RASGRF1: variants seen among roughly 807,000 people sequenced by gnomAD.
RASGRF1 encodes ras-specific guanine nucleotide-releasing factor 1.
In RASGRF1, 40 loss-of-function variants were observed where a neutral mutation model predicts 138.7. The ratio of observed to expected loss-of-function variants is 0.29; its 90% CI spans 0.22 to 0.38. The LOEUF (loss-of-function observed/expected upper bound fraction) is 0.38, where lower values mean the gene tolerates loss of function less well. Among genes scored for constraint, RASGRF1 ranks in the 10% least tolerant of loss-of-function variants. RASGRF1 has a pLI of 1.00. For synonymous variants in RASGRF1, 614 were observed against 663.2 expected, an observed-to-expected ratio of 0.93 and a Z score of 1.14; for missense variants, 1,108 against 1,650.4, an observed-to-expected ratio of 0.67 and a Z score of 5.69.
chr15:78,998,635 G>A (rs2056447629), intron 18 of RASGRF1, 84 bp downstream of exon 18: 19 of 1,174,634 alleles, frequency 1.6e-5, no homozygotes, highest in African/African-American at 4.5e-5. Context: ...CACTCTGCCC[G>A]CAGCTGCTTT....
intron 3 of RASGRF1, among the ~76,000 whole-genome samples, chr15:79,053,389 C>G (rs1326814066): frequency 6.6e-6 from 1 of 152,244 alleles, no homozygotes; most frequent in African/African-American, 2.4e-5. Flanking sequence ...TAAAATATTA[C>G]AGCCACCTGC....
At position 79,059,012 on chromosome 15, in the gene RASGRF1, C is replaced by T. The variant is rs374265804; in HGVS notation, c.384-531G>A. 8.6e-4 allele frequency among the ~76,000 whole-genome samples: 131 copies of T among 152,308 alleles called. 5 individuals carry two copies. The South Asian group carries it at 0.025, about 29-fold the overall frequency. ...TTAGTCTCTTCTTACTAATGGACCC[C>T]GTCAGAGTGCTGTAAAATAGGCGTC... On this transcript the variant is annotated intron_variant, in intron 2 of 26. Transcript: ENST00000558480.
chr15:78,966,368 C>G lies in RASGRF1; in HGVS notation c.3682-4132G>C, dbSNP rs2055645054. Among the ~76,000 whole-genome samples the G allele has an allele frequency of 3.3e-5, 5 of 151,240 alleles. No homozygotes were observed. In the South Asian group the frequency reaches 1.0e-3, roughly 32 times the overall value. Reference sequence around the variant, plus strand: ...CTTTCTGCCTTAGCCTCCTGAGTAGCTGGGACTACAGGCATGAGCCACTAC... The same window carrying G: ...CTTTCTGCCTTAGCCTCCTGAGTAGGTGGGACTACAGGCATGAGCCACTAC... On this transcript the variant is annotated intron_variant, in intron 26 of 26. Transcript: ENST00000558480.
chr15:79,014,922 A>C (rs1382569475), intron 13 of RASGRF1, among the ~76,000 whole-genome samples: 1 of 126,426 alleles, frequency 7.9e-6, no homozygotes, highest in Non-Finnish European at 1.6e-5. Flanking sequence ...GTCTCAAAAA[A>C]ACAAAAAACA....
At chr15:79,005,197 G>T (rs1297655630) in intron 14 of RASGRF1, 2 of 985,376 alleles carry the variant, frequency 2.0e-6, no homozygotes, top group South Asian at 4.7e-5. Flanking sequence ...GGCCTGAGGT[G>T]GGGGCAGGAG....
At chr15:79,058,010 C>G (rs769277692) in intron 3 of RASGRF1, among the ~76,000 whole-genome samples, 4 of 152,168 alleles carry the variant, frequency 2.6e-5, no homozygotes, top group Admixed American at 6.5e-5. Context: ...GGAGCTTGCC[C>G]GTAGATAATC....
At chr15:78,965,520 A>G (rs2055626326) in intron 26 of RASGRF1, among the ~76,000 whole-genome samples, 1 of 152,130 alleles carries the variant, frequency 6.6e-6, no homozygotes, top group Non-Finnish European at 1.5e-5. Context: ...GTCATATTTA[A>G]TCATCAAAAA....
intron 1 of RASGRF1, among the ~76,000 whole-genome samples, chr15:79,080,348 T>C (rs750443669): frequency 3.9e-5 from 6 of 152,008 alleles, no homozygotes; most frequent in African/African-American, 7.2e-5. Flanking sequence ...GGAAGGCCCA[T>C]TGAGGGAGGA....
intron 26 of RASGRF1, among the ~76,000 whole-genome samples, chr15:78,971,446 G>C (rs1469551978): frequency 1.3e-5 from 2 of 152,302 alleles, no homozygotes; most frequent in African/African-American, 2.4e-5. Context: ...TTGTGTTTAT[G>C]GATTGCCTGT....
intron 26 of RASGRF1, among the ~76,000 whole-genome samples, chr15:78,969,207 C>G (rs918025453): frequency 7.9e-5 from 12 of 152,170 alleles, no homozygotes; most frequent in African/African-American, 2.9e-4. Flanking sequence ...AGACTCAATC[C>G]TCTACCCCCA....
chr15:79,024,336 GCA>G (rs2057013610), intron 10 of RASGRF1, among the ~76,000 whole-genome samples: 1 of 150,806 alleles, frequency 6.6e-6, no homozygotes, highest in South Asian at 2.1e-4. Context: ...ACACACAAAT[GCA>G]CAGAGACACA....
In RASGRF1 at chr15:79,027,796, C is replaced by T; in HGVS notation, c.1326G>A (p.Met442Ile). 6.2e-7 allele frequency: 1 copy of T among 1,614,230 alleles called. No homozygotes were observed. Among genetic ancestry groups the T allele is most frequent in the South Asian group, 1.1e-5 (1 of 91,080 alleles). ...GGAGGATCTCACAGCCTTCGATGATCATGCGCTCGATGGCCAGGTTTTTCC... is the reference window on the plus strand; with the variant it reads ...GGAGGATCTCACAGCCTTCGATGATTATGCGCTCGATGGCCAGGTTTTTCC... ...NIRKNLAIER[M>I]IIEGCEILLD... The change falls in exon 9 of 27, where the codon ATG (methionine) becomes ATA (isoleucine). Residue 442 changes from methionine to isoleucine, a missense_variant. Met to Ile is a conservative substitution (Grantham distance 10). Around this residue, in one of 3 missense-constraint regions of RASGRF1, gnomAD observed 169 missense variants for 344.2 expected, o/e 0.49. Coordinates refer to ENST00000558480, the MANE Select transcript of RASGRF1 (RefSeq NM_001145648.3). This position sits in a 1 kb window ranked among gnomAD's most constrained non-coding sequence, Gnocchi z 4.8.
At position 79,035,859 on chromosome 15, in the gene RASGRF1, A is replaced by G. The variant is rs148833762; in HGVS notation, c.879-649T>C. On this transcript the variant is annotated intron_variant, in intron 5 of 26. Transcript: ENST00000558480. Reference sequence around the variant, plus strand: ...AGAAAACGCTAGTTTCCCAACACCCAGTGACCGCCCCCGCTGTTTGGAATC... The same window carrying G: ...AGAAAACGCTAGTTTCCCAACACCCGGTGACCGCCCCCGCTGTTTGGAATC... Among the ~76,000 whole-genome samples the G allele has an allele frequency of 9.3e-4, 141 of 152,352 alleles. 3 individuals are homozygous for G. In the East Asian group the frequency reaches 0.025, roughly 27 times the overall value.
At chr15:79,028,905 T>A (rs969495118) in intron 8 of RASGRF1, among the ~76,000 whole-genome samples, 2 of 152,224 alleles carry the variant, frequency 1.3e-5, no homozygotes, top group Non-Finnish European at 2.9e-5. Context: ...TGAATCAGCA[T>A]GACATTGACC....
chr15:78,991,030 C>T (rs563302757), intron 21 of RASGRF1, among the ~76,000 whole-genome samples: 2 of 152,356 alleles, frequency 1.3e-5, no homozygotes, highest in African/African-American at 2.4e-5. Flanking sequence ...GGAAACCATT[C>T]TGGGACCATT....
At chr15:78,992,834 T>C (rs1353921660) in intron 20 of RASGRF1, among the ~76,000 whole-genome samples, 1 of 152,132 alleles carries the variant, frequency 6.6e-6, no homozygotes, top group East Asian at 1.9e-4. Flanking sequence ...ACTAAGTGTC[T>C]CCCTTCCTCC....
At chr15:79,011,165 C>T (rs2056788499) in intron 13 of RASGRF1, among the ~76,000 whole-genome samples, 1 of 152,138 alleles carries the variant, frequency 6.6e-6, no homozygotes, top group African/African-American at 2.4e-5. Flanking sequence ...CTGGGTTTGG[C>T]CCTATCACCT....
chr15:79,087,199 G>A (rs1007366), intron 1 of RASGRF1, among the ~76,000 whole-genome samples: 75,930 of 152,116 alleles, frequency 0.5, 20,595 homozygotes, highest in African/African-American at 0.72. Flanking sequence ...GCATCTTCAC[G>A]GGGTGAGGAG....
chr15:79,066,122 C>A (rs2141067276), intron 1 of RASGRF1, among the ~76,000 whole-genome samples: 1 of 152,222 alleles, frequency 6.6e-6, no homozygotes. Context: ...CACATAGTGG[C>A]AGGCAGCTAC....
Sources: allele counts gnomAD v4.1 joint callset (sites outside exome capture counted in the v4.1 genomes callset), GRCh38; gene constraint gnomAD v4.1.1; regional missense constraint gnomAD v4.1.1; non-coding constraint Gnocchi (gnomAD v3.1); transcripts MANE v1.5; gene names NCBI Gene and HGNC (gene_info 2026-07-23, HGNC 2026-07-21).